Variants in CCSER1 observed in about 807,000 individuals in gnomAD.
CCSER1 encodes the protein coiled-coil serine rich protein 1.
A neutral mutation model predicts 82.0 loss-of-function variants in CCSER1; 41 were observed. The observed-to-expected ratio is 0.50, with a 90% confidence interval of 0.39 to 0.65. CCSER1 has a LOEUF of 0.65. CCSER1 is among the 30% of genes least tolerant of loss of function. The pLI, the probability that CCSER1 is intolerant of heterozygous loss-of-function variation, is 0.00. For missense variants in CCSER1, 1,119 were observed against 1,064.2 expected (o/e 1.05, Z -0.72); for synonymous variants, 414 against 383.9 (o/e 1.08, Z -0.92).
chr4:90,886,267 C>A (rs549324603), intron 8 of CCSER1, among the ~76,000 whole-genome samples: 39 of 152,182 alleles, frequency 2.6e-4, no homozygotes, highest in Non-Finnish European at 2.4e-4. Flanking sequence ...TCCTTTAACC[C>A]TCCTACCATC....
At chr4:91,039,192 T>TTTTC (rs1021645765) in intron 9 of CCSER1, among the ~76,000 whole-genome samples, 10 of 143,694 alleles carry the variant, frequency 7.0e-5, no homozygotes, top group South Asian at 6.9e-4. Context: ...ATGTCCAACT[T>TTTTC]TTTCTTTCTT....
At chr4:90,691,585 TGAATATATCACATG>T (rs1735927695) in intron 6 of CCSER1, among the ~76,000 whole-genome samples, 1 of 108,648 alleles carries the variant, frequency 9.2e-6, no homozygotes. Flanking sequence ...ATAATGCATG[TGAATATATCACATG>T]TGTATATATC....
At chr4:91,227,775 A>G (rs1251635182) in intron 10 of CCSER1, among the ~76,000 whole-genome samples, 1 of 151,960 alleles carries the variant, frequency 6.6e-6, no homozygotes, top group East Asian at 1.9e-4. Flanking sequence ...AAGGCATTAC[A>G]TAACATTTAA....
intron 5 of CCSER1, among the ~76,000 whole-genome samples, chr4:90,544,369 T>C (rs1386995110): frequency 6.6e-6 from 1 of 152,060 alleles, no homozygotes; most frequent in Admixed American, 6.6e-5. Context: ...ACTTATTATG[T>C]CAAAAGAATA....
chr4:90,488,504 A>G lies in CCSER1; in HGVS notation c.1724+20150A>G, dbSNP rs145534962. 1.1e-4 allele frequency among the ~76,000 whole-genome samples: 16 copies of G among 152,236 alleles called. No individual in the cohort carries two copies. The East Asian group carries it at 3.1e-3, about 29-fold the overall frequency. ...CACCAGGCGACGTCCTCTCTATTTT[A>G]ATATATTTCAATCAAGAAAGCCTCA... On this transcript the variant is annotated intron_variant, in intron 5 of 10. Transcript: ENST00000509176.
At chr4:90,541,334 A>C (rs1776075966) in intron 5 of CCSER1, among the ~76,000 whole-genome samples, 2 of 152,060 alleles carry the variant, frequency 1.3e-5, no homozygotes, top group South Asian at 4.1e-4. Flanking sequence ...TATAATAATA[A>C]CAGTGTTGAT....
intron 1 of CCSER1, among the ~76,000 whole-genome samples, chr4:90,144,975 G>A (rs1223608024): frequency 6.6e-6 from 1 of 151,838 alleles, no homozygotes; most frequent in Non-Finnish European, 1.5e-5. Flanking sequence ...AAAATTTTAC[G>A]ACCATTATTT....
At chr4:91,385,921 C>T (rs1464318422) in intron 10 of CCSER1, among the ~76,000 whole-genome samples, 1 of 151,798 alleles carries the variant, frequency 6.6e-6, no homozygotes, top group Non-Finnish European at 1.5e-5. Flanking sequence ...TTTGTTTTTA[C>T]ATACATATAA....
At chr4:91,256,558 A>G (rs1015037754) in intron 10 of CCSER1, among the ~76,000 whole-genome samples, 1 of 152,142 alleles carries the variant, frequency 6.6e-6, no homozygotes. Context: ...ATGTCTCCCA[A>G]GGCTTTAAAA....
At chr4:90,786,885 A>C (rs1350164733) in intron 7 of CCSER1, among the ~76,000 whole-genome samples, 2 of 152,334 alleles carry the variant, frequency 1.3e-5, no homozygotes, top group Middle Eastern at 3.4e-3. Context: ...TGGCCCTCTG[A>C]ACATCTGAGT....
Position 91,186,707 on chromosome 4 carries a change from T to A in CCSER1, c.2217+100713T>A. On this transcript the variant is annotated intron_variant, in intron 10 of 10. Transcript: ENST00000509176. Reference sequence around the variant, plus strand: ...GTCATTAGCATTGTTTCTATAGATATTAAATTAACTAAAAGTATCCCTTAT... The same window carrying A: ...GTCATTAGCATTGTTTCTATAGATAATAAATTAACTAAAAGTATCCCTTAT... 1.3e-5 allele frequency among the ~76,000 whole-genome samples: 2 copies of A among 152,344 alleles called. 1 individual carries two copies. Among genetic ancestry groups the A allele is most frequent in the South Asian group, 4.1e-4 (2 of 4,830 alleles).
At chr4:90,966,893 A>G (rs1184395699) in intron 9 of CCSER1, among the ~76,000 whole-genome samples, 2 of 152,070 alleles carry the variant, frequency 1.3e-5, no homozygotes, top group Admixed American at 6.5e-5. Context: ...GAAATTGACA[A>G]GTTGATCCTA....
intron 10 of CCSER1, among the ~76,000 whole-genome samples, chr4:91,149,869 T>G (rs1179229767): frequency 6.6e-6 from 1 of 152,180 alleles, no homozygotes; most frequent in Non-Finnish European, 1.5e-5. Flanking sequence ...CCATGCTGTT[T>G]TGGTTACTGT....
chr4:91,375,162 A>C (rs1464912907), intron 10 of CCSER1, among the ~76,000 whole-genome samples: 2 of 152,216 alleles, frequency 1.3e-5, no homozygotes, highest in African/African-American at 4.8e-5. Context: ...CAACATTAAC[A>C]GGAGTTTGGA....
intron 9 of CCSER1, among the ~76,000 whole-genome samples, chr4:90,988,357 A>G (rs1013771075): frequency 2.0e-5 from 3 of 149,030 alleles, no homozygotes; most frequent in African/African-American, 4.9e-5. Flanking sequence ...AAAAAAAAAA[A>G]AAAAAAGAAA....
intron 1 of CCSER1, among the ~76,000 whole-genome samples, chr4:90,205,766 G>A (rs1289285485): frequency 2.0e-5 from 3 of 152,158 alleles, no homozygotes; most frequent in Non-Finnish European, 2.9e-5. Context: ...AGTTTCAAAA[G>A]TAATGGTACC....
intron 1 of CCSER1, among the ~76,000 whole-genome samples, chr4:90,270,248 T>C (rs1031090326): frequency 2.0e-5 from 3 of 152,074 alleles, no homozygotes; most frequent in Non-Finnish European, 4.4e-5. Flanking sequence ...TTGATAAACG[T>C]TGATTCGGAA....
At chr4:90,606,112 A>T (rs1784670878) in intron 5 of CCSER1, among the ~76,000 whole-genome samples, 1 of 152,156 alleles carries the variant, frequency 6.6e-6, no homozygotes, top group Non-Finnish European at 1.5e-5. Context: ...GTATTTAAAA[A>T]TTTTAAACAC....
chr4:90,907,478 C>T (rs1000700613), intron 8 of CCSER1, among the ~76,000 whole-genome samples: 11 of 152,008 alleles, frequency 7.2e-5, no homozygotes, highest in Non-Finnish European at 1.6e-4. Context: ...AATCGTCATC[C>T]TTTGGATGAA....
Sources: gnomAD v4.1 joint callset for allele counts (sites outside exome capture counted in the v4.1 genomes callset) on GRCh38, gnomAD v4.1.1 for gene constraint, MANE v1.5 for transcripts, NCBI Gene and HGNC (gene_info 2026-07-23, HGNC 2026-07-21) for gene names.